Variants in ZNF839 observed in about 807,000 individuals in gnomAD.
The protein encoded by ZNF839 is zinc finger protein 839.
In ZNF839, 38 loss-of-function variants were observed where a neutral mutation model predicts 56.4. The ratio of observed to expected loss-of-function variants is 0.67; its 90% CI spans 0.52 to 0.88. ZNF839 has a LOEUF of 0.88. Ranked by LOEUF, ZNF839 falls within the 40% of genes least tolerant of loss-of-function variation. The pLI, the probability that ZNF839 is intolerant of heterozygous loss-of-function variation, is 0.00. For synonymous variants in ZNF839, 486 were observed against 493.5 expected (o/e 0.98, Z 0.20); for missense variants, 1,091 against 1,177.6 (o/e 0.93, Z 1.08).
At chr14:102,329,312 A>T (rs947129748) in intron 2 of ZNF839, among the ~76,000 whole-genome samples, 49 of 152,206 alleles carry the variant, frequency 3.2e-4, no homozygotes, top group African/African-American at 1.1e-3. Flanking sequence ...GCTAGATTTT[A>T]AGTGGAATTA....
At chr14:102,340,203 T>C (rs1307440469) in intron 7 of ZNF839, among the ~76,000 whole-genome samples, 1 of 151,578 alleles carries the variant, frequency 6.6e-6, no homozygotes, top group Non-Finnish European at 1.5e-5. Context: ...CTGAAACTCC[T>C]GACTGCAGGT....
rs757198489 is a variant in ZNF839, at chr14:102,342,091, T to C, written c.2696T>C (p.Leu899Ser). 6.2e-7 allele frequency: 1 copy of C among 1,614,026 alleles called. No homozygotes were observed. The highest frequency in any genetic ancestry group is 1.1e-5 in the South Asian group (1 of 91,086). The change falls in exon 8 of 8, where the codon TTG becomes TCG. Residue 899 changes from leucine to serine, a missense_variant. Leu to Ser is a moderately radical substitution (Grantham distance 145, BLOSUM62 -2). Coordinates refer to ENST00000442396, the MANE Select transcript of ZNF839 (RefSeq NM_018335.6). Reference sequence around the variant, plus strand: ...ATTCAGACTTCCGATGGGCTTATCTTGTCCCCTCCAGGTACAATAGTGTCT... The same window carrying C: ...ATTCAGACTTCCGATGGGCTTATCTCGTCCCCTCCAGGTACAATAGTGTCT... ...IFIQTSDGLI[L>S]SPPGTIVSQE...
intron 5 of ZNF839, chr14:102,336,520 C>T (rs2139570918): frequency 3.1e-6 from 1 of 321,190 alleles, no homozygotes; most frequent in South Asian, 2.5e-5. Flanking sequence ...GTCTCGAACT[C>T]CTGAGCTCAG....
Position 102,326,056 on chromosome 14 carries a change from G to T in ZNF839, c.360G>T (p.Pro120=), listed in dbSNP as rs760986223. 6 of 1,613,482 alleles carry T rather than the reference G, an allele frequency of 3.7e-6. No individual in the cohort carries two copies. Among genetic ancestry groups the T allele is most frequent in the Non-Finnish European group, 5.1e-6 (6 of 1,179,752 alleles). Residue 120 remains proline (P), a synonymous_variant, in exon 2 of 8, where the codon CCG becomes CCT. Transcript: ENST00000442396. The surrounding 1 kb of genome is among the most constrained non-coding windows in gnomAD (Gnocchi z 4.3). ...GTCAGGAAAGGCCAATGCTCCTACC[G>T]ACCACAATCCAGCCCCAAACTGCAA... ...TKGQERPMLL[P]TTIQPQTARK...
At chr14:102,324,806 G>A (rs1446977697) in intron 1 of ZNF839, among the ~76,000 whole-genome samples, 2 of 151,806 alleles carry the variant, frequency 1.3e-5, no homozygotes, top group South Asian at 2.1e-4. Flanking sequence ...AAAATTAGCC[G>A]GGGCGTGGTG....
chr14:102,341,714 C>T lies in ZNF839; in HGVS notation c.2319C>T (p.Gly773=). ...GPGHAEAGHL[G]KVCDFHLNHQ... is the part of the protein sequence containing the mutation. ...GACATGCAGAGGCAGGACACCTCGG[C>T]AAGGTTTGTGACTTCCACCTGAACC... The change falls in exon 8 of 8, where the codon GGC becomes GGT. Residue 773 remains glycine, a synonymous_variant. Transcript: ENST00000442396. The T allele has an allele frequency of 1.2e-6, 2 of 1,613,980 alleles. No individual in the cohort carries two copies. Among genetic ancestry groups the T allele is most frequent in the Non-Finnish European group, 1.7e-6 (2 of 1,179,888 alleles).
intron 5 of ZNF839, among the ~76,000 whole-genome samples, chr14:102,338,594 A>G (rs1184299788): frequency 1.3e-5 from 2 of 150,992 alleles, no homozygotes; most frequent in Non-Finnish European, 1.5e-5. Flanking sequence ...AATTGTGCTC[A>G]CATAGAACCT....
At position 102,331,837 on chromosome 14, in the gene ZNF839, G is replaced by C. The variant is rs375163932; in HGVS notation, c.1407G>C (p.Arg469Ser). ...AGAGGGCGTCGCCAAGCAAAGCCAG[G>C]CTCAAGGAGGTACCTCACTCTTAAA... ...GEQRASPSKARLKEFLQQCDR... is the reference protein window; with the variant it reads ...GEQRASPSKASLKEFLQQCDR... Residue 469 changes from arginine to serine, a missense_variant, in exon 3 of 8, where the codon AGG (arginine) becomes AGC (serine). Physicochemically the swap from Arg to Ser is moderately radical, Grantham distance 110 (BLOSUM62 -1). Coordinates refer to ENST00000442396, the MANE Select transcript of ZNF839 (RefSeq NM_018335.6). 3.2e-6 allele frequency: 5 copies of C among 1,562,944 alleles called. No homozygotes were observed. Among genetic ancestry groups the C allele is most frequent in the Admixed American group, 3.8e-5 (2 of 52,854 alleles).
intron 2 of ZNF839, among the ~76,000 whole-genome samples, chr14:102,331,056 A>C (rs1248558927): frequency 6.6e-6 from 1 of 152,172 alleles, no homozygotes; most frequent in Non-Finnish European, 1.5e-5. Context: ...TTGGAATTAG[A>C]TAGTGGTTAT....
Position 102,342,031 on chromosome 14 carries a change from A to C in ZNF839, c.2636A>C (p.His879Pro). 3.7e-6 allele frequency: 6 copies of C among 1,614,006 alleles called. No individual in the cohort carries two copies. The highest frequency in any genetic ancestry group is 5.1e-6 in the Non-Finnish European group (6 of 1,179,884). Residue 879 changes from histidine (H) to proline (P), a missense_variant, in exon 8 of 8, where the codon CAT becomes CCT. His to Pro is a moderately conservative substitution (Grantham distance 77). This residue lies in a region of ZNF839 where 431 missense variants were observed against 468.0 expected (regional missense o/e 0.92). Transcript: ENST00000442396. ...GCTTTTGAAATTTCCAATGGGAGCC[A>C]TGAGTTACTGTCTCAGGGACAGAAG... Reference protein sequence around the residue: ...AMAFEISNGSHELLSQGQKQI... With the variant: ...AMAFEISNGSPELLSQGQKQI...
intron 1 of ZNF839, among the ~76,000 whole-genome samples, chr14:102,321,856 G>T: frequency 6.6e-6 from 1 of 152,106 alleles, no homozygotes. Context: ...AGGTTCTGGG[G>T]CGGTTGGGGG....
Position 102,326,906 on chromosome 14 carries a change from T to G in ZNF839, c.1191+19T>G, listed in dbSNP as rs1176286526. 5.1e-6 allele frequency: 8 copies of G among 1,562,212 alleles called. No individual in the cohort carries two copies. Among genetic ancestry groups the G allele is most frequent in the Non-Finnish European group, 6.9e-6 (8 of 1,154,534 alleles). On this transcript the variant is annotated intron_variant, in intron 2 of 7. Transcript: ENST00000442396. This position sits in a 1 kb window ranked among gnomAD's most constrained non-coding sequence, Gnocchi z 4.3. ...CCTGCAGGTAATGTTTCTGTCTGGGTATGTGTCTTTTTATTTGGCCGTTCT... is the reference window on the plus strand; with the variant it reads ...CCTGCAGGTAATGTTTCTGTCTGGGGATGTGTCTTTTTATTTGGCCGTTCT...
intron 1 of ZNF839, among the ~76,000 whole-genome samples, chr14:102,322,909 A>G (rs1397714974): frequency 7.2e-5 from 11 of 152,218 alleles, no homozygotes; most frequent in Non-Finnish European, 1.5e-4. Flanking sequence ...TCTCGTTGTC[A>G]TTTGTTTCAC....
rs564390589 is a variant in ZNF839 at position 102,332,264 on chromosome 14, G to C, written c.1416+418G>C. On this transcript the variant is annotated intron_variant, in intron 3 of 7. Transcript: ENST00000442396. This position sits in a 1 kb window ranked among gnomAD's most constrained non-coding sequence, Gnocchi z 4.9. ...TTCTCCTTCCTTAGCCTCCTGGGTA[G>C]CTTGGATTACAAGCGCCTGCCAACC... 6.6e-6 allele frequency among the ~76,000 whole-genome samples: 1 copy of C among 152,156 alleles called. No homozygotes were observed. Among genetic ancestry groups the C allele is most frequent in the South Asian group, 2.1e-4 (1 of 4,818 alleles).
At chr14:102,339,402 C>A (rs1311081571) in intron 7 of ZNF839, among the ~76,000 whole-genome samples, 179 bp downstream of exon 7, 3 of 152,150 alleles carry the variant, frequency 2.0e-5, no homozygotes, top group African/African-American at 4.8e-5. Flanking sequence ...CAGATTCATT[C>A]CCTGCGAGTC....
chr14:102,342,232 C>T lies in ZNF839; in HGVS notation c.*53C>T, dbSNP rs1886622428. 1 of 1,543,554 alleles carries T rather than the reference C, an allele frequency of 6.5e-7. No homozygotes were observed. On this transcript the variant is annotated 3_prime_UTR_variant, in exon 8 of 8. Coordinates refer to ENST00000442396, the MANE Select transcript of ZNF839 (RefSeq NM_018335.6). ...CGGTCGTCACCGTGGAGCCAGAGCC[C>T]TCACAGTGAAGTGGAGTCAGATCCT...
chr14:102,337,586 G>C (rs1377939002), intron 5 of ZNF839: 1 of 152,152 alleles, frequency 6.6e-6, no homozygotes, highest in Non-Finnish European at 1.5e-5. Context: ...GCAAGTGTGG[G>C]TATCATCCTG....
rs187173502 is a variant in ZNF839, at chr14:102,331,517, T to C, written c.1192-105T>C. 6.4e-5 allele frequency: 64 copies of C among 997,246 alleles called. No individual in the cohort carries two copies. In the East Asian group the frequency reaches 1.6e-3, roughly 25 times the overall value. The allele number at this position is 997,246 out of a possible 1,614,324, so 61.8% of individuals were successfully genotyped here. A position where few individuals can be genotyped will look rare whatever the true frequency, so the allele number is the denominator to read the frequency against. On this transcript the variant is annotated intron_variant, in intron 2 of 7. Transcript: ENST00000442396. ...CACCCGCCTTGGGCTCCCAAAGTGC[T>C]GGGATTTCAGGTGTGAGCCACGGCG... is the stretch of plus-strand genomic sequence containing the variant.
intron 2 of ZNF839, among the ~76,000 whole-genome samples, chr14:102,327,617 G>A (rs950100160): frequency 1.3e-5 from 2 of 152,160 alleles, no homozygotes; most frequent in Non-Finnish European, 2.9e-5. Flanking sequence ...AACCAAATCA[G>A]TCCCAGTTCC....
Sources: allele counts gnomAD v4.1 joint callset (sites outside exome capture counted in the v4.1 genomes callset), GRCh38; gene constraint gnomAD v4.1.1; regional missense constraint gnomAD v4.1.1; non-coding constraint Gnocchi (gnomAD v3.1); transcripts MANE v1.5; gene names NCBI Gene and HGNC (gene_info 2026-07-23, HGNC 2026-07-21).